Variants in RPS6KC1 observed in about 807,000 individuals in gnomAD.
RPS6KC1 encodes the protein ribosomal protein S6 kinase C1.
In RPS6KC1, 54 loss-of-function variants were observed where a neutral mutation model predicts 103.8. The ratio of observed to expected loss-of-function variants is 0.52; its 90% CI spans 0.42 to 0.65. RPS6KC1 has a LOEUF of 0.65. RPS6KC1 is among the 30% of genes least tolerant of loss of function. The probability of loss-of-function intolerance (pLI) is 0.00; values close to 1 mark genes in which losing one functional copy is unlikely to be tolerated. For missense variants in RPS6KC1, 1,151 were observed against 1,253.8 expected, an observed-to-expected ratio of 0.92 and a Z score of 1.24; for synonymous variants, 439 against 438.7, an observed-to-expected ratio of 1.00 and a Z score of -0.01.
At chr1:213,495,874 A>G in the RPS6KC1 span, among the ~76,000 whole-genome samples, 1 of 152,264 alleles carries the variant, frequency 6.6e-6, no homozygotes, top group African/African-American at 2.4e-5. Context: ...TACAAACATA[A>G]TACAAGGTAA....
the RPS6KC1 span, among the ~76,000 whole-genome samples, chr1:213,423,907 A>G: frequency 6.6e-6 from 1 of 152,216 alleles, no homozygotes. Context: ...GTGCTAACGC[A>G]ATAATACACG....
rs1341040463 is a variant in RPS6KC1, at chr1:213,113,916, T to C, written c.379-3401T>C. 3.4e-4 allele frequency among the ~76,000 whole-genome samples: 52 copies of C among 152,330 alleles called. 1 individual carries two copies. The South Asian group carries it at 0.011, about 31-fold the overall frequency. On this transcript the variant is annotated intron_variant, in intron 4 of 14. Coordinates refer to ENST00000366960, the MANE Select transcript of RPS6KC1 (RefSeq NM_012424.6). ...AGGGCTCTGTTCTGTTCCATTGATCTATATCTCTATTTTGGTACCAGTACC... is the reference window on the plus strand; with the variant it reads ...AGGGCTCTGTTCTGTTCCATTGATCCATATCTCTATTTTGGTACCAGTACC...
the RPS6KC1 span, among the ~76,000 whole-genome samples, chr1:213,354,178 T>C: frequency 4.5e-4 from 69 of 152,296 alleles, no homozygotes; most frequent in African/African-American, 1.6e-3. Flanking sequence ...CAGAAGCTAA[T>C]AGGATCTACC....
Position 213,261,677 on chromosome 1 carries a change from G to C in RPS6KC1, c.2994+37G>C, listed in dbSNP as rs551762131. 1.6e-5 allele frequency: 24 copies of C among 1,528,476 alleles called. 1 individual carries two copies. The South Asian group carries it at 2.6e-4, about 16-fold the overall frequency. The allele number at this position is 1,528,476 out of a possible 1,614,324, so 94.7% of individuals were successfully genotyped here. A position where few individuals can be genotyped will look rare whatever the true frequency, so the allele number is the denominator to read the frequency against. ...CCTGGACGTTTAATAAATTTACTCA[G>C]ATGCTACCTTGATTTCAAATTAAGA... On this transcript the variant is annotated intron_variant, in intron 13 of 14. Coordinates refer to ENST00000366960, the MANE Select transcript of RPS6KC1 (RefSeq NM_012424.6).
chr1:213,834,098 G>C, the RPS6KC1 span, among the ~76,000 whole-genome samples: 3 of 152,270 alleles, frequency 2.0e-5, no homozygotes, highest in South Asian at 4.2e-4. Flanking sequence ...GAGTGCAGTG[G>C]CACAATCACG....
At chr1:213,429,339 A>T in the RPS6KC1 span, among the ~76,000 whole-genome samples, 1 of 152,144 alleles carries the variant, frequency 6.6e-6, no homozygotes, top group South Asian at 2.1e-4. Context: ...CTTTTTGTAG[A>T]GATGGAGTTT....
chr1:213,420,350 A>G, the RPS6KC1 span, among the ~76,000 whole-genome samples: 41 of 152,286 alleles, frequency 2.7e-4, no homozygotes, highest in African/African-American at 8.7e-4. Context: ...TGGGACAGCC[A>G]TGCATTGTGG....
chr1:213,229,959 G>A (rs139597196), intron 8 of RPS6KC1, among the ~76,000 whole-genome samples: 25 of 152,314 alleles, frequency 1.6e-4, no homozygotes, highest in Non-Finnish European at 2.9e-4. Flanking sequence ...AAGTGGTAAG[G>A]TGAGTTCAGA....
chr1:213,623,360 G>T, the RPS6KC1 span, among the ~76,000 whole-genome samples: 6 of 151,968 alleles, frequency 3.9e-5, no homozygotes, highest in Non-Finnish European at 8.8e-5. Flanking sequence ...CATTTATCTC[G>T]CCATTTAACT....
chr1:213,531,126 T>G, the RPS6KC1 span, among the ~76,000 whole-genome samples: 3 of 152,136 alleles, frequency 2.0e-5, no homozygotes, highest in Admixed American at 1.3e-4. Flanking sequence ...GGCATTGACA[T>G]GGTAATGCAG....
chr1:213,369,205 T>C, the RPS6KC1 span, among the ~76,000 whole-genome samples: 19 of 152,214 alleles, frequency 1.2e-4, no homozygotes, highest in African/African-American at 4.3e-4. Context: ...ACTTCTAAGA[T>C]GGTTGAAGTT....
At chr1:213,112,767 A>G (rs1489676723) in intron 4 of RPS6KC1, among the ~76,000 whole-genome samples, 1 of 140,152 alleles carries the variant, frequency 7.1e-6, no homozygotes. Context: ...TCCTGTGTCC[A>G]TGTGTTCTCA....
At chr1:213,218,458 T>C (rs926096786) in intron 8 of RPS6KC1, among the ~76,000 whole-genome samples, 72 of 152,242 alleles carry the variant, frequency 4.7e-4, no homozygotes, top group African/African-American at 1.7e-3. Flanking sequence ...AGGTAATTTA[T>C]AGATTCAATG....
At chr1:213,303,442 G>A in the RPS6KC1 span, among the ~76,000 whole-genome samples, 2 of 152,114 alleles carry the variant, frequency 1.3e-5, no homozygotes, top group Non-Finnish European at 2.9e-5. Context: ...AGGTGACTTG[G>A]ATATTAGATC....
chr1:213,608,909 T>C, the RPS6KC1 span, among the ~76,000 whole-genome samples: 2 of 152,236 alleles, frequency 1.3e-5, no homozygotes, highest in African/African-American at 2.4e-5. Context: ...TGACTATTTC[T>C]TGGTTGTTTA....
chr1:213,809,972 A>T, the RPS6KC1 span, among the ~76,000 whole-genome samples: 3 of 152,238 alleles, frequency 2.0e-5, no homozygotes, highest in Admixed American at 2.0e-4. Context: ...AATATACTTG[A>T]GTTATGGATA....
the RPS6KC1 span, among the ~76,000 whole-genome samples, chr1:213,672,062 C>G: frequency 1.3e-5 from 2 of 152,160 alleles, no homozygotes; most frequent in Non-Finnish European, 2.9e-5. Context: ...TTCTACTATC[C>G]AAGGATAGGT....
chr1:213,116,131 CTGTCTAATGTTGACAGTGGGGTGTTAAA>C (rs2083575162), intron 4 of RPS6KC1, among the ~76,000 whole-genome samples: 1 of 151,916 alleles, frequency 6.6e-6, no homozygotes, highest in African/African-American at 2.4e-5. Context: ...TCTCGTTGAT[CTGTCTAATGTTGACAGTGGGGTGTTAAA>C]GTCTCCCATT....
At chr1:213,363,234 A>T in the RPS6KC1 span, among the ~76,000 whole-genome samples, 2 of 152,004 alleles carry the variant, frequency 1.3e-5, no homozygotes, top group Non-Finnish European at 2.9e-5. Flanking sequence ...CATTCAACTT[A>T]TTAGGTTCTG....
Sources: gnomAD v4.1 joint callset for allele counts (sites outside exome capture counted in the v4.1 genomes callset) on GRCh38, gnomAD v4.1.1 for gene constraint, MANE v1.5 for transcripts, NCBI Gene and HGNC (gene_info 2026-07-23, HGNC 2026-07-21) for gene names.